Variants in DNAJC11 observed in about 807,000 individuals in gnomAD.
DNAJC11 encodes DnaJ heat shock protein family (Hsp40) member C11.
DNAJC11 carries 15 observed loss-of-function variants against 78.6 expected under a neutral mutation model. The observed-to-expected ratio is 0.19, with a 90% CI of 0.13 to 0.29. The LOEUF (loss-of-function observed/expected upper bound fraction) is 0.29, where lower values mean the gene tolerates loss of function less well. DNAJC11 is among the 10% of genes least tolerant of loss of function. The pLI is 1.00. For missense variants in DNAJC11, 547 were observed against 709.6 expected (o/e 0.77, Z 2.60); for synonymous variants, 292 against 272.1 (o/e 1.07, Z -0.72).
chr1:6,685,948 A>G (rs1487180356), intron 1 of DNAJC11, among the ~76,000 whole-genome samples: 1 of 152,246 alleles, frequency 6.6e-6, no homozygotes, highest in East Asian at 1.9e-4. Context: ...TAACTCAATT[A>G]GCTCTCAGTT....
At position 6,667,730 on chromosome 1, in the gene DNAJC11, C is replaced by T. The variant is rs1642313855; in HGVS notation, c.357G>A (p.Leu119=). The T allele has an allele frequency of 6.2e-7, 1 of 1,614,128 alleles. No individual in the cohort carries two copies. The highest frequency in any genetic ancestry group is 2.2e-5 in the East Asian group (1 of 44,872). ...RLQREREERR[L]QQRTNPKGTI... ...TTACCTTGGGATTGGTTCGCTGCTG[C>T]AATCTCCTCTCTTCTCTCTCTCTCT... Residue 119 remains leucine (L), a synonymous_variant, in exon 4 of 16, where the codon TTG becomes TTA. Transcript: ENST00000377577.
At chr1:6,651,649 TA>T in intron 6 of DNAJC11, 47 bp from the exon 7 acceptor site, 1 of 1,490,166 alleles carries the variant, frequency 6.7e-7, no homozygotes, top group African/African-American at 1.4e-5. Context: ...TTTTATCTCA[TA>T]GCAGCAACCC....
At chr1:6,651,703 T>G in intron 6 of DNAJC11, 101 bp from the exon 7 acceptor site, 2 of 854,922 alleles carry the variant, frequency 2.3e-6, no homozygotes, top group South Asian at 3.0e-5. Flanking sequence ...TTCATTCAAT[T>G]CACTGGTCTT....
chr1:6,689,915 A>G (rs1642718469), intron 1 of DNAJC11, among the ~76,000 whole-genome samples: 1 of 152,236 alleles, frequency 6.6e-6, no homozygotes, highest in South Asian at 2.1e-4. Context: ...CAATGGTGTC[A>G]CAAATGCATT....
chr1:6,678,891 C>T (rs1466762028), intron 2 of DNAJC11, among the ~76,000 whole-genome samples: 1 of 152,172 alleles, frequency 6.6e-6, no homozygotes, highest in Non-Finnish European at 1.5e-5. Context: ...TTAAATGATT[C>T]TCTTGCCTTG....
In DNAJC11 at chr1:6,651,251, C is replaced by T. The variant is rs1036654509; in HGVS notation, c.704+278G>A. On this transcript the variant is annotated intron_variant, in intron 7 of 15. Coordinates refer to ENST00000377577, the MANE Select transcript of DNAJC11 (RefSeq NM_018198.4). Reference sequence around the variant, plus strand: ...CTGACCAACTCTCCCTGAAGGCACTCTTTCTCCGTGGCCTTGTGGCATAGG... The same window carrying T: ...CTGACCAACTCTCCCTGAAGGCACTTTTTCTCCGTGGCCTTGTGGCATAGG... 11 of 636,746 alleles carry T rather than the reference C, an allele frequency of 1.7e-5. No homozygotes were observed. The African/African-American group carries it at 2.0e-4, about 11-fold the overall frequency. The allele number at this position is 636,746 out of a possible 1,614,324, so 39.4% of individuals were successfully genotyped here.
In DNAJC11 at chr1:6,701,712, C is replaced by T. The variant is rs778479361; in HGVS notation, c.72+17G>A. ...GGCTCGGCCTCAGCCCCCAGAGCGT[C>T]CAGCCGCTGGCCTCACCTCCCTGCG... On this transcript the variant is annotated intron_variant, in intron 1 of 15. Coordinates refer to ENST00000377577, the MANE Select transcript of DNAJC11 (RefSeq NM_018198.4). 4 of 1,536,698 alleles carry T rather than the reference C, an allele frequency of 2.6e-6. No individual in the cohort carries two copies. The highest frequency in any genetic ancestry group is 3.5e-6 in the Non-Finnish European group (4 of 1,146,374).
chr1:6,687,639 G>A (rs1311228098), intron 1 of DNAJC11, among the ~76,000 whole-genome samples: 1 of 152,134 alleles, frequency 6.6e-6, no homozygotes, highest in African/African-American at 2.4e-5. Context: ...TTACACGCGT[G>A]AGCCACTGTG....
rs774770947 is a variant in DNAJC11 at position 6,645,153 on chromosome 1, C to G, written c.895-27G>C. 29 of 1,581,312 alleles carry G rather than the reference C, an allele frequency of 1.8e-5. No homozygotes were observed. Among genetic ancestry groups the G allele is most frequent in the Non-Finnish European group, 2.3e-5 (26 of 1,151,792 alleles). ...TGGGGAGACAGAGGGTGCAAGGATGCGTGGCTAGGGCGTGTGACTCTGTGG... is the reference window on the plus strand; with the variant it reads ...TGGGGAGACAGAGGGTGCAAGGATGGGTGGCTAGGGCGTGTGACTCTGTGG... On this transcript the variant is annotated intron_variant, in intron 8 of 15. Transcript: ENST00000377577. This position sits in a 1 kb window ranked among gnomAD's most constrained non-coding sequence, Gnocchi z 4.1.
Position 6,637,240 on chromosome 1 carries a change from G to A in DNAJC11, c.1482C>T (p.Cys494=). 2 of 1,614,160 alleles carry A rather than the reference G, an allele frequency of 1.2e-6. No homozygotes were observed. The highest frequency in any genetic ancestry group is 1.7e-6 in the Non-Finnish European group (2 of 1,180,050). ...KVIDVTVPLQ[C]LVKDSKLILT... is the part of the protein sequence containing the mutation. ...GGATGAGCTTCGAGTCCTTCACCAG[G>A]CACTGCAGGGGCACAGTCACGTCAA... The change falls in exon 14 of 16, where the codon TGC becomes TGT. Residue 494 remains cysteine, a synonymous_variant. Transcript: ENST00000377577.
At chr1:6,671,048 G>C (rs1642371236) in intron 3 of DNAJC11, 1 of 152,118 alleles carries the variant, frequency 6.6e-6, no homozygotes. Flanking sequence ...CAATTCAGTG[G>C]ACCTGACTGT....
At chr1:6,677,710 T>C (rs1256963974) in intron 3 of DNAJC11, among the ~76,000 whole-genome samples, 1 of 152,230 alleles carries the variant, frequency 6.6e-6, no homozygotes, top group African/African-American at 2.4e-5. Context: ...AGTAGCCCAA[T>C]GACTTGCCCA....
intron 7 of DNAJC11, among the ~76,000 whole-genome samples, chr1:6,649,393 T>C (rs192584802): frequency 1.3e-5 from 2 of 152,020 alleles, no homozygotes; most frequent in Admixed American, 1.3e-4. Context: ...ATGGTCTCGA[T>C]CTCCTGATCT....
chr1:6,678,550 G>C, intron 2 of DNAJC11, 83 bp from the exon 3 acceptor site: 1 of 1,099,708 alleles, frequency 9.1e-7, no homozygotes. Context: ...CATTAGGTAA[G>C]CCCATCTCCT....
chr1:6,682,379 G>C (rs908922275), intron 1 of DNAJC11, among the ~76,000 whole-genome samples: 7 of 152,062 alleles, frequency 4.6e-5, no homozygotes, highest in African/African-American at 1.7e-4. Context: ...AGTTTATCAG[G>C]GGTTCTAAAC....
At position 6,653,678 on chromosome 1, in the gene DNAJC11, C is replaced by A; in HGVS notation, c.507+233G>T. 1 of 433,384 alleles carries A rather than the reference C, an allele frequency of 2.3e-6. No homozygotes were observed. Among genetic ancestry groups the A allele is most frequent in the Non-Finnish European group, 4.2e-6 (1 of 240,770 alleles). The allele number at this position is 433,384 out of a possible 1,614,324, so 26.8% of individuals were successfully genotyped here. A position where few individuals can be genotyped will look rare whatever the true frequency, so the allele number is the denominator to read the frequency against. On this transcript the variant is annotated intron_variant, in intron 5 of 15. Coordinates refer to ENST00000377577, the MANE Select transcript of DNAJC11 (RefSeq NM_018198.4). This position sits in a 1 kb window ranked among gnomAD's most constrained non-coding sequence, Gnocchi z 4.5. Reference sequence around the variant, plus strand: ...CATTAACACCCTCTGCTGGAAAGGCCCAAGACCTTGGGAGCCAAGTGCCCC... The same window carrying A: ...CATTAACACCCTCTGCTGGAAAGGCACAAGACCTTGGGAGCCAAGTGCCCC...
At chr1:6,661,563 C>G (rs1446663776) in intron 4 of DNAJC11, among the ~76,000 whole-genome samples, 1 of 152,174 alleles carries the variant, frequency 6.6e-6, no homozygotes, top group Non-Finnish European at 1.5e-5. Context: ...TATCACAGTG[C>G]TTTCCCAGAC....
intron 4 of DNAJC11, among the ~76,000 whole-genome samples, chr1:6,663,098 G>A (rs1442505522): frequency 6.6e-6 from 1 of 152,142 alleles, no homozygotes; most frequent in Admixed American, 6.5e-5. Flanking sequence ...GCTGAATTGT[G>A]TCTCTCAGCT....
intron 6 of DNAJC11, among the ~76,000 whole-genome samples, chr1:6,651,806 G>C (rs1012130981): frequency 2.0e-5 from 3 of 152,192 alleles, no homozygotes; most frequent in African/African-American, 7.2e-5. Context: ...ATCCAAAGGA[G>C]ACCCAGGCTT....
Sources: allele counts gnomAD v4.1 joint callset (sites outside exome capture counted in the v4.1 genomes callset), GRCh38; gene constraint gnomAD v4.1.1; non-coding constraint Gnocchi (gnomAD v3.1); transcripts MANE v1.5; gene names NCBI Gene and HGNC (gene_info 2026-07-23, HGNC 2026-07-21).